Variants in GRM5 observed in about 807,000 individuals in gnomAD.
GRM5 encodes glutamate metabotropic receptor 5, also known as metabotropic glutamate receptor 5.
In GRM5, 19 loss-of-function variants were observed where a neutral mutation model predicts 83.1. The ratio of observed to expected loss-of-function variants is 0.23; its 90% CI spans 0.16 to 0.34. GRM5 has a LOEUF of 0.34. GRM5 is among the 10% of genes least tolerant of loss of function. GRM5 has a pLI of 1.00. For missense variants in GRM5, 1,160 were observed against 1,588.3 expected, an observed-to-expected ratio of 0.73 and a Z score of 4.58; for synonymous variants, 675 against 633.6, an observed-to-expected ratio of 1.07 and a Z score of -0.98.
At chr11:88,907,009 G>A (rs979649653) in intron 2 of GRM5, among the ~76,000 whole-genome samples, 1 of 151,716 alleles carries the variant, frequency 6.6e-6, no homozygotes, top group Non-Finnish European at 1.5e-5. Context: ...GTTCCTTTGA[G>A]GATTTGAGGC....
intron 3 of GRM5, among the ~76,000 whole-genome samples, chr11:88,713,398 G>T (rs896788993): frequency 2.0e-5 from 3 of 151,936 alleles, no homozygotes; most frequent in African/African-American, 2.4e-5. Context: ...ATGTTTCTAT[G>T]AAGATGAAAC....
In GRM5 at chr11:88,509,196, G is replaced by A; in HGVS notation, c.3035C>T (p.Ala1012Val). ...CGACGGTGAGCGCGGCCGCGCGGGC[G>A]CCGGGAAGTGCTCCTCAGCCTCGGC... is the stretch of plus-strand genomic sequence containing the variant. The part of the protein sequence containing the change: ...DVAEAEEHFP[A>V]PARPRSPSPI... Residue 1012 changes from alanine (A) to valine (V), a missense_variant, in exon 10 of 10, where the codon GCG becomes GTG. Ala to Val is a moderately conservative substitution (Grantham distance 64). Around this residue, in one of 9 missense-constraint regions of GRM5, gnomAD observed 562 missense variants for 532.4 expected, o/e 1.06. Transcript: ENST00000305447. 1.3e-6 allele frequency: 2 copies of A among 1,533,718 alleles called. No individual in the cohort carries two copies. The highest frequency in any genetic ancestry group is 1.8e-6 in the Non-Finnish European group (2 of 1,142,714).
At chr11:89,031,914 G>A (rs534627118) in intron 2 of GRM5, among the ~76,000 whole-genome samples, 3 of 152,090 alleles carry the variant, frequency 2.0e-5, no homozygotes, top group Non-Finnish European at 4.4e-5. Flanking sequence ...AAGGACTCGA[G>A]AAGTTACAGT....
At position 88,704,685 on chromosome 11, in the gene GRM5, A is replaced by G. The variant is rs538733298; in HGVS notation, c.912-51282T>C. On this transcript the variant is annotated intron_variant, in intron 3 of 9. Coordinates refer to ENST00000305447, the MANE Select transcript of GRM5 (RefSeq NM_001143831.3). ...TAGACCTTAAATAAAACATGGGACTAGTCTATTTGCAAAGTGCTGTCCTTG... is the reference window on the plus strand; with the variant it reads ...TAGACCTTAAATAAAACATGGGACTGGTCTATTTGCAAAGTGCTGTCCTTG... 2.6e-5 allele frequency among the ~76,000 whole-genome samples: 4 copies of G among 152,222 alleles called. No individual in the cohort carries two copies. In the South Asian group the frequency reaches 8.3e-4, roughly 32 times the overall value.
chr11:88,648,216 C>T (rs924014722), intron 4 of GRM5, among the ~76,000 whole-genome samples: 43 of 150,048 alleles, frequency 2.9e-4, no homozygotes, highest in Non-Finnish European at 3.9e-4. Flanking sequence ...ATGTTTATTG[C>T]GGCATTATTC....
intron 2 of GRM5, among the ~76,000 whole-genome samples, chr11:89,030,261 T>C (rs749650884): frequency 4.6e-5 from 7 of 152,178 alleles, no homozygotes; most frequent in East Asian, 1.9e-4. Flanking sequence ...TTCAGAATGA[T>C]TGGCCTTTAT....
At chr11:88,999,788 T>C (rs10831546) in intron 2 of GRM5, among the ~76,000 whole-genome samples, 58,750 of 146,476 alleles carry the variant, frequency 0.4, 11,453 homozygotes, top group South Asian at 0.6. Context: ...CACATGCACA[T>C]GTATGTTTAT....
chr11:88,689,365 C>T (rs1463967648), intron 3 of GRM5, among the ~76,000 whole-genome samples: 1 of 152,076 alleles, frequency 6.6e-6, no homozygotes, highest in South Asian at 2.1e-4. Context: ...AAAGTGTTCC[C>T]AGTGTAGTTT....
chr11:88,526,393 A>G (rs1464162775), intron 8 of GRM5, among the ~76,000 whole-genome samples: 1 of 152,208 alleles, frequency 6.6e-6, no homozygotes, highest in Admixed American at 6.5e-5. Context: ...CATTTGCCAG[A>G]TGAGGAAGCT....
chr11:88,708,809 G>T (rs1399293024), intron 3 of GRM5, among the ~76,000 whole-genome samples: 1 of 152,042 alleles, frequency 6.6e-6, no homozygotes, highest in Non-Finnish European at 1.5e-5. Flanking sequence ...ATACTCTAGA[G>T]ATACCACCTG....
At chr11:89,027,906 G>A (rs1941165393) in intron 2 of GRM5, among the ~76,000 whole-genome samples, 1 of 152,148 alleles carries the variant, frequency 6.6e-6, no homozygotes, top group Non-Finnish European at 1.5e-5. Flanking sequence ...GGGAGGTGAT[G>A]GGGCCATCAG....
chr11:88,823,125 T>G (rs1192407650), intron 3 of GRM5, among the ~76,000 whole-genome samples: 1 of 151,958 alleles, frequency 6.6e-6, no homozygotes, highest in Non-Finnish European at 1.5e-5. Flanking sequence ...TTTGCCTTTT[T>G]GTTTTACATT....
intron 3 of GRM5, among the ~76,000 whole-genome samples, chr11:88,658,608 T>C (rs1231633077): frequency 2.0e-5 from 3 of 152,182 alleles, no homozygotes; most frequent in South Asian, 2.1e-4. Flanking sequence ...ATGATTATTA[T>C]GGGCATGTCC....
intron 3 of GRM5, among the ~76,000 whole-genome samples, chr11:88,735,335 T>TG (rs1489932715): frequency 6.6e-6 from 1 of 152,100 alleles, no homozygotes; most frequent in Admixed American, 6.6e-5. Context: ...TTCATTTTGC[T>TG]GAAAAATGAA....
At chr11:88,614,625 C>T (rs1017976375) in intron 4 of GRM5, among the ~76,000 whole-genome samples, 1 of 152,116 alleles carries the variant, frequency 6.6e-6, no homozygotes, top group Non-Finnish European at 1.5e-5. Context: ...ATGCTTACTA[C>T]ACTGTTTATT....
intron 2 of GRM5, among the ~76,000 whole-genome samples, chr11:88,981,067 T>C (rs537218736): frequency 6.6e-6 from 1 of 152,290 alleles, no homozygotes; most frequent in African/African-American, 2.4e-5. Flanking sequence ...TTTTTGCCTA[T>C]ATTCTCTTCT....
intron 1 of GRM5, among the ~76,000 whole-genome samples, chr11:89,064,587 T>A (rs537194842): frequency 6.6e-6 from 1 of 152,146 alleles, no homozygotes; most frequent in East Asian, 2.0e-4. Flanking sequence ...TTCAAACACA[T>A]ACATAGACAC....
At chr11:89,017,522 T>G (rs1940887821) in intron 2 of GRM5, among the ~76,000 whole-genome samples, 1 of 152,160 alleles carries the variant, frequency 6.6e-6, no homozygotes, top group Non-Finnish European at 1.5e-5. Flanking sequence ...CCTACTCTGC[T>G]CTCAGTACTT....
At chr11:88,923,229 T>C (rs575689178) in intron 2 of GRM5, among the ~76,000 whole-genome samples, 3 of 152,192 alleles carry the variant, frequency 2.0e-5, no homozygotes, top group East Asian at 1.9e-4. Context: ...AAACAGTACA[T>C]TGAAGAGATA....
Sources: allele counts gnomAD v4.1 joint callset (sites outside exome capture counted in the v4.1 genomes callset), GRCh38; gene constraint gnomAD v4.1.1; regional missense constraint gnomAD v4.1.1; transcripts MANE v1.5; gene names NCBI Gene and HGNC (gene_info 2026-07-23, HGNC 2026-07-21).